Variants in RANBP2 observed in about 807,000 individuals in gnomAD.
RANBP2 encodes RAN binding protein 2.
Under a neutral mutation model 303.6 loss-of-function variants are expected in RANBP2, and 57 were observed. The observed-to-expected ratio is 0.19, with a 90% CI of 0.15 to 0.23. The LOEUF is 0.23. Among genes scored for constraint, RANBP2 ranks in the 10% least tolerant of loss-of-function variants. The pLI is 1.00. For missense variants in RANBP2, 3,138 were observed against 3,780.8 expected (o/e 0.83, Z 4.46); for synonymous variants, 1,167 against 1,301.5 (o/e 0.90, Z 2.23).
chr2:109,112,920 G>C, the RANBP2 span, among the ~76,000 whole-genome samples: 1 of 152,090 alleles, frequency 6.6e-6, no homozygotes, highest in African/African-American at 2.4e-5. Context: ...TTTTTCTCAG[G>C]TTTGTCAAAG....
intron 23 of RANBP2, 126 bp downstream of exon 23, chr2:108,773,172 C>T: frequency 1.0e-6 from 1 of 993,376 alleles, no homozygotes; most frequent in South Asian, 1.4e-5. Context: ...GGCTGGAGTG[C>T]AATGGCATGC....
chr2:108,937,535 ATGTG>A, the RANBP2 span, among the ~76,000 whole-genome samples: 21 of 151,518 alleles, frequency 1.4e-4, no homozygotes, highest in Non-Finnish European at 2.5e-4. Flanking sequence ...AGGTGAGTGT[ATGTG>A]TGTGAGTGTG....
the RANBP2 span, among the ~76,000 whole-genome samples, chr2:109,468,714 C>A: frequency 6.6e-6 from 1 of 151,774 alleles, no homozygotes; most frequent in Non-Finnish European, 1.5e-5. Context: ...ATGAGCCAGG[C>A]ATGGTGGCGG....
chr2:109,250,567 A>C, the RANBP2 span, among the ~76,000 whole-genome samples: 3,001 of 152,106 alleles, frequency 0.02, 107 homozygotes, highest in African/African-American at 0.068. Context: ...AAAACATGAT[A>C]AATACAGAAA....
intron 1 of RANBP2, among the ~76,000 whole-genome samples, chr2:108,719,897 C>G (rs1052031993): frequency 3.3e-5 from 5 of 151,660 alleles, no homozygotes; most frequent in Admixed American, 1.3e-4. Context: ...GGCGCTTCCT[C>G]TTTCTCCCGG....
intron 9 of RANBP2, among the ~76,000 whole-genome samples, chr2:108,750,408 T>G (rs1191513910): frequency 6.6e-6 from 1 of 152,170 alleles, no homozygotes; most frequent in African/African-American, 2.4e-5. Flanking sequence ...TGATAAAAAC[T>G]TCAACAAAAA....
At chr2:109,704,283 C>T in the RANBP2 span, among the ~76,000 whole-genome samples, 1 of 152,196 alleles carries the variant, frequency 6.6e-6, no homozygotes, top group Non-Finnish European at 1.5e-5. Flanking sequence ...GGCATGGTGG[C>T]TCATGCCTGT....
chr2:109,384,869 C>T, the RANBP2 span, among the ~76,000 whole-genome samples: 71,943 of 151,624 alleles, frequency 0.47, 17,133 homozygotes, highest in Middle Eastern at 0.55. Flanking sequence ...TTCTGAGGGT[C>T]CCACTTCCCC....
the RANBP2 span, among the ~76,000 whole-genome samples, chr2:108,809,912 TCTC>T: frequency 6.6e-6 from 1 of 152,130 alleles, no homozygotes; most frequent in Non-Finnish European, 1.5e-5. Flanking sequence ...TTCACACAAT[TCTC>T]CTGCCTCAGC....
rs1424592052 is a variant in RANBP2 at position 108,764,532 on chromosome 2, C to G, written c.3993C>G (p.Asn1331Lys). The change falls in exon 20 of 29, where the codon AAC becomes AAG. Residue 1331 changes from asparagine to lysine, a missense_variant. Asn to Lys is a moderately conservative substitution (Grantham distance 94). This residue lies in a region of RANBP2 where 388 missense variants were observed against 328.5 expected (regional missense o/e 1.18). Coordinates refer to ENST00000283195, the MANE Select transcript of RANBP2 (RefSeq NM_006267.5). ...TAAAAGAACCCACAAGTCATGATAA[C>G]AAGGATATTTGCAAATCTGATGCTG... ...RIVKEPTSHD[N>K]KDICKSDAGN... 1.9e-6 allele frequency: 3 copies of G among 1,613,696 alleles called. No individual in the cohort carries two copies. The highest frequency in any genetic ancestry group is 2.7e-5 in the African/African-American group (2 of 74,872).
the RANBP2 span, among the ~76,000 whole-genome samples, chr2:109,423,057 G>C: frequency 1.3e-4 from 20 of 152,186 alleles, no homozygotes; most frequent in Non-Finnish European, 2.5e-4. Flanking sequence ...CATCAGAGAA[G>C]GAAACTTCCA....
At chr2:109,386,614 C>T in the RANBP2 span, among the ~76,000 whole-genome samples, 66 of 152,282 alleles carry the variant, frequency 4.3e-4, 1 homozygote, top group African/African-American at 1.4e-3. Context: ...TGTTTGGGCC[C>T]GGCTAATCCC....
the RANBP2 span, among the ~76,000 whole-genome samples, chr2:109,611,425 CA>C: frequency 2.8e-4 from 43 of 151,154 alleles, no homozygotes; most frequent in South Asian, 2.9e-3. Flanking sequence ...TTTCAAATCA[CA>C]TATCTGAGAA....
chr2:109,031,482 C>G, the RANBP2 span, among the ~76,000 whole-genome samples: 5 of 152,242 alleles, frequency 3.3e-5, no homozygotes, highest in African/African-American at 1.2e-4. Flanking sequence ...GGGCTTCAAT[C>G]AGTAGCAGCA....
chr2:109,359,413 T>C, the RANBP2 span, among the ~76,000 whole-genome samples: 2 of 152,206 alleles, frequency 1.3e-5, no homozygotes, highest in Non-Finnish European at 2.9e-5. Flanking sequence ...ACATGAAATA[T>C]CTATTTGTTT....
At chr2:109,681,433 G>A in the RANBP2 span, among the ~76,000 whole-genome samples, 1 of 152,190 alleles carries the variant, frequency 6.6e-6, no homozygotes, top group Non-Finnish European at 1.5e-5. Context: ...CATTAAAAAA[G>A]AAAGGCAGGA....
At chr2:109,014,012 G>A in the RANBP2 span, among the ~76,000 whole-genome samples, 1 of 152,234 alleles carries the variant, frequency 6.6e-6, no homozygotes, top group South Asian at 2.1e-4. Context: ...TTCTGAGCTT[G>A]CTGGATAGTG....
the RANBP2 span, among the ~76,000 whole-genome samples, chr2:109,465,840 TC>T: frequency 1.3e-5 from 2 of 152,104 alleles, no homozygotes; most frequent in African/African-American, 4.8e-5. Flanking sequence ...GAGAACTCAC[TC>T]ACTGTCACAG....
At chr2:109,423,215 G>A in the RANBP2 span, among the ~76,000 whole-genome samples, 1 of 152,122 alleles carries the variant, frequency 6.6e-6, no homozygotes, top group Non-Finnish European at 1.5e-5. Flanking sequence ...CCTGCAACAG[G>A]GAAAGGGAAG....
Sources: gnomAD v4.1 joint callset for allele counts (sites outside exome capture counted in the v4.1 genomes callset) on GRCh38, gnomAD v4.1.1 for gene constraint, gnomAD v4.1.1 regional missense constraint, MANE v1.5 for transcripts, NCBI Gene and HGNC (gene_info 2026-07-23, HGNC 2026-07-21) for gene names.